The following SMARCAL1 variants were observed in gnomAD, a reference collection of about 807,000 sequenced individuals.
SMARCAL1 encodes ATP-driven annealing helicase.
Under a neutral mutation model 94.5 loss-of-function variants are expected in SMARCAL1, and 58 were observed. The observed-to-expected ratio is 0.61, with a 90% CI of 0.50 to 0.76. The LOEUF is 0.76. Among genes scored for constraint, SMARCAL1 ranks in the 30% least tolerant of loss-of-function variants. The pLI is 0.00. For missense variants in SMARCAL1, 1,051 were observed against 1,177.9 expected, an observed-to-expected ratio of 0.89 and a Z score of 1.58; for synonymous variants, 422 against 455.1, an observed-to-expected ratio of 0.93 and a Z score of 0.93.
At chr2:216,436,189 G>C (rs1288411565) in intron 9 of SMARCAL1, among the ~76,000 whole-genome samples, 2 of 152,000 alleles carry the variant, frequency 1.3e-5, no homozygotes, top group African/African-American at 4.8e-5. Flanking sequence ...AGCTAGTCTC[G>C]AACTCCTGAC....
At chr2:216,479,552 A>G (rs563333866) in intron 17 of SMARCAL1, among the ~76,000 whole-genome samples, 1 of 142,290 alleles carries the variant, frequency 7.0e-6, no homozygotes, top group African/African-American at 2.7e-5. Flanking sequence ...TTATTTAGCA[A>G]ATAAATTCTT....
chr2:216,415,398 A>G lies in SMARCAL1; in HGVS notation c.694A>G (p.Lys232Glu). The change falls in exon 3 of 18, where the codon AAA becomes GAA. Residue 232 changes from lysine to glutamate, a missense_variant. Transcript: ENST00000357276. ...LQQKSGSSVQ[K>E]GVNSQKGKCV... ...GCAGAAGTCAGGGTCCTCAGTCCAA[A>G]AAGGAGTGAACTCTCAGAAGGGAAA... is the stretch of plus-strand genomic sequence containing the variant. 6.2e-7 allele frequency: 1 copy of G among 1,614,242 alleles called. No homozygotes were observed. The highest frequency in any genetic ancestry group is 8.5e-7 in the Non-Finnish European group (1 of 1,180,038).
In SMARCAL1 at chr2:216,438,849, ACTGC is replaced by A. The variant is rs1259634310; in HGVS notation, c.1710+368_1710+371del. On this transcript the variant is annotated intron_variant, in intron 10 of 17. Coordinates refer to ENST00000357276, the MANE Select transcript of SMARCAL1 (RefSeq NM_014140.4). Reference sequence around the variant, plus strand: ...TTGTCCACTAATTAGCTTAGAAAAAACTGCCTGTCTTCTAAGTCACTTGTAGTGG... The same window carrying A: ...TTGTCCACTAATTAGCTTAGAAAAAACTGTCTTCTAAGTCACTTGTAGTGG... Among the ~76,000 whole-genome samples the A allele has an allele frequency of 5.3e-5, 8 of 152,166 alleles. No homozygotes were observed. In the East Asian group the frequency reaches 1.4e-3, roughly 26 times the overall value.
rs376808787 is a variant in SMARCAL1, at chr2:216,476,686, C to T, written c.2428-423C>T. ...TGCCCAAATCATGGATAGCCTCTCC[C>T]TTGTGTGTGATGTTTTTATTTATTT... On this transcript the variant is annotated intron_variant, in intron 15 of 17. Transcript: ENST00000357276. Among the ~76,000 whole-genome samples the T allele has an allele frequency of 6.6e-5, 10 of 152,338 alleles. No homozygotes were observed. In the East Asian group the frequency reaches 9.6e-4, roughly 15 times the overall value.
At position 216,414,689 on chromosome 2, in the gene SMARCAL1, G is replaced by C. The variant is rs754426319; in HGVS notation, c.-16G>C. 6.2e-7 allele frequency: 1 copy of C among 1,610,468 alleles called. No homozygotes were observed. Among genetic ancestry groups the C allele is most frequent in the African/African-American group, 1.3e-5 (1 of 74,968 alleles). On this transcript the variant is annotated 5_prime_UTR_variant, in exon 3 of 18. Coordinates refer to ENST00000357276, the MANE Select transcript of SMARCAL1 (RefSeq NM_014140.4). ...ATTAAAGGTTGACATTCCTGCATAA[G>C]CATTTCTCTGTGAAAATGTCCTTGC...
At chr2:216,432,123 G>A (rs1461426146) in intron 7 of SMARCAL1, among the ~76,000 whole-genome samples, 1 of 151,920 alleles carries the variant, frequency 6.6e-6, no homozygotes, top group African/African-American at 2.4e-5. Flanking sequence ...CCGGGTTCAA[G>A]CGATTCTCCT....
chr2:216,438,576 G>A, intron 10 of SMARCAL1, 91 bp downstream of exon 10: 1 of 1,081,928 alleles, frequency 9.2e-7, no homozygotes, highest in Non-Finnish European at 1.4e-6. Flanking sequence ...AGCAGGGGTT[G>A]CAAGTATAGA....
intron 16 of SMARCAL1, 63 bp downstream of exon 16, chr2:216,477,272 T>C (rs1295319753): frequency 2.9e-5 from 35 of 1,212,830 alleles, no homozygotes; most frequent in Non-Finnish European, 3.9e-5. Flanking sequence ...GATGATATGT[T>C]TACTTTGCTC....
chr2:216,478,405 C>T (rs1574486076), intron 17 of SMARCAL1, 106 bp downstream of exon 17: 2 of 820,918 alleles, frequency 2.4e-6, no homozygotes, highest in East Asian at 4.9e-5. Context: ...TCCTAGGGAC[C>T]TCCCCCAGCC....
intron 4 of SMARCAL1, among the ~76,000 whole-genome samples, chr2:216,419,344 A>T (rs900139212): frequency 6.6e-6 from 1 of 151,886 alleles, no homozygotes; most frequent in African/African-American, 2.4e-5. Context: ...TGGCTACACT[A>T]CCCTCTTCTT....
At chr2:216,445,812 C>T (rs191980506) in intron 10 of SMARCAL1, among the ~76,000 whole-genome samples, 10 of 152,294 alleles carry the variant, frequency 6.6e-5, no homozygotes, top group African/African-American at 1.7e-4. Flanking sequence ...TGTGAGGGCA[C>T]AAATGCGTTT....
rs775766139 is a variant in SMARCAL1 at position 216,475,701 on chromosome 2, G to A, written c.2427+250G>A. Among the ~76,000 whole-genome samples the A allele has an allele frequency of 3.4e-4, 52 of 151,866 alleles. No homozygotes were observed. The highest frequency in any genetic ancestry group is 7.2e-4 in the Admixed American group (11 of 15,254). On this transcript the variant is annotated intron_variant, in intron 15 of 17. Transcript: ENST00000357276. This position sits in a 1 kb window ranked among gnomAD's most constrained non-coding sequence, Gnocchi z 4.4. ...ATGATCTTGGCTCACTGCAACCTCC[G>A]CCTCCTGGGTTCAAGCGATTCCCCT... is the stretch of plus-strand genomic sequence containing the variant.
At chr2:216,416,656 T>G (rs911175081) in intron 4 of SMARCAL1, among the ~76,000 whole-genome samples, 1 of 152,186 alleles carries the variant, frequency 6.6e-6, no homozygotes, top group African/African-American at 2.4e-5. Context: ...GCCAATAAGT[T>G]GTACAACTGG....
intron 12 of SMARCAL1, among the ~76,000 whole-genome samples, chr2:216,461,452 GATC>G (rs1211234210): frequency 6.6e-6 from 1 of 151,972 alleles, no homozygotes; most frequent in South Asian, 2.1e-4. Context: ...GCAGAACTGG[GATC>G]ATACAAACAC....
rs149748307 is a variant in SMARCAL1 at position 216,431,160 on chromosome 2, G to T, written c.1335-1558G>T. ...CCCCACACTCTACTGGCTTCGGGCT[G>T]CCTGGGGATTTGCTGCCCAGTTTTC... On this transcript the variant is annotated intron_variant, in intron 7 of 17. Transcript: ENST00000357276. 9.0e-3 allele frequency among the ~76,000 whole-genome samples: 1,365 copies of T among 152,372 alleles called. 30 individuals carry two copies. The highest frequency in any genetic ancestry group is 0.031 in the African/African-American group (1,284 of 41,588).
intron 3 of SMARCAL1, chr2:216,415,886 TTTC>T: frequency 2.6e-6 from 1 of 380,654 alleles, no homozygotes; most frequent in Non-Finnish European, 4.9e-6. Flanking sequence ...ACAGGCCCAG[TTTC>T]ATTGGTCTGG....
Position 216,477,156 on chromosome 2 carries a change from C to A in SMARCAL1, c.2475C>A (p.Ser825Arg). ...GCGTGCACCGCATTGGACAGACCAG[C>A]TCCGTGGGCATTCACTACCTCGTGG... ...EDRVHRIGQTSSVGIHYLVAK... is the reference protein window; with the variant it reads ...EDRVHRIGQTRSVGIHYLVAK... Residue 825 changes from serine to arginine, a missense_variant, in exon 16 of 18, where the codon AGC becomes AGA. Around this residue, in one of 3 missense-constraint regions of SMARCAL1, gnomAD observed 642 missense variants for 754.7 expected, o/e 0.85. Transcript: ENST00000357276. The A allele has an allele frequency of 6.3e-7, 1 of 1,596,480 alleles. No homozygotes were observed. Among genetic ancestry groups the A allele is most frequent in the Non-Finnish European group, 8.5e-7 (1 of 1,171,632 alleles).
chr2:216,426,907 A>C (rs16856084), intron 6 of SMARCAL1: 1 of 152,228 alleles, frequency 6.6e-6, no homozygotes, highest in Non-Finnish European at 1.5e-5. Flanking sequence ...AGAAATGACA[A>C]TAAGACCTGA....
intron 5 of SMARCAL1, among the ~76,000 whole-genome samples, chr2:216,420,988 T>C (rs1334440044): frequency 6.6e-6 from 1 of 152,216 alleles, no homozygotes; most frequent in African/African-American, 2.4e-5. Context: ...AGTTTCTGAT[T>C]CTGGAACTTG....
Sources: gnomAD v4.1 joint callset for allele counts (sites outside exome capture counted in the v4.1 genomes callset) on GRCh38, gnomAD v4.1.1 for gene constraint, gnomAD v4.1.1 regional missense constraint, Gnocchi (gnomAD v3.1) non-coding constraint, MANE v1.5 for transcripts, NCBI Gene and HGNC (gene_info 2026-07-23, HGNC 2026-07-21) for gene names.